HELQ: variants seen among roughly 807,000 people sequenced by gnomAD.
HELQ encodes helicase POLQ-like.
Under a neutral mutation model 111.6 loss-of-function variants are expected in HELQ, and 77 were observed. The observed-to-expected ratio is 0.69, with a 90% CI of 0.57 to 0.83. HELQ has a LOEUF of 0.83. Among genes scored for constraint, HELQ ranks in the 40% least tolerant of loss-of-function variants. The pLI is 0.00. For missense variants in HELQ, 1,200 were observed against 1,288.5 expected (o/e 0.93, Z 1.05); for synonymous variants, 438 against 454.7 (o/e 0.96, Z 0.47).
At chr4:83,444,361 A>G (rs1720939790) in intron 5 of HELQ, among the ~76,000 whole-genome samples, 1 of 152,092 alleles carries the variant, frequency 6.6e-6, no homozygotes, top group Non-Finnish European at 1.5e-5. Flanking sequence ...TCTTGCTATC[A>G]AGCTAACTTT....
intron 2 of HELQ, among the ~76,000 whole-genome samples, chr4:83,451,459 G>A (rs1003940801): frequency 4.6e-5 from 7 of 151,874 alleles, no homozygotes; most frequent in African/African-American, 1.7e-4. Context: ...TCAGGAGATC[G>A]AGACCATCCT....
In HELQ at chr4:83,455,605, G is replaced by A; in HGVS notation, c.89C>T (p.Thr30Ile). The A allele has an allele frequency of 6.2e-7, 1 of 1,614,090 alleles. No individual in the cohort carries two copies. Among genetic ancestry groups the A allele is most frequent in the South Asian group, 1.1e-5 (1 of 91,078 alleles). ...PSLGCIFGAP[T>I]AAELVPGDEG... The stretch of plus-strand genomic sequence containing the variant: ...ATCTCCGGGCACGAGCTCGGCCGCG[G>A]TGGGAGCGCCAAAAATACACCCCAA... Residue 30 changes from threonine (T) to isoleucine (I), a missense_variant, in exon 1 of 18, where the codon ACC (threonine) becomes ATC (isoleucine). Transcript: ENST00000295488.
chr4:83,428,959 A>G (rs1027210684), intron 12 of HELQ, among the ~76,000 whole-genome samples: 1 of 152,096 alleles, frequency 6.6e-6, no homozygotes, highest in African/African-American at 2.4e-5. Flanking sequence ...TAGAATATTA[A>G]GATTTGTATG....
In HELQ at chr4:83,407,430, A is replaced by G. The variant is rs763938194; in HGVS notation, c.*23T>C. On this transcript the variant is annotated 3_prime_UTR_variant, in exon 18 of 18. Coordinates refer to ENST00000295488, the MANE Select transcript of HELQ (RefSeq NM_133636.5). Reference sequence around the variant, plus strand: ...CACATGTACAATAAATAATTCATATATGAAAATTCTCATCAGATAGCTTCA... The same window carrying G: ...CACATGTACAATAAATAATTCATATGTGAAAATTCTCATCAGATAGCTTCA... 7.8e-6 allele frequency: 11 copies of G among 1,419,026 alleles called. No homozygotes were observed. The South Asian group carries it at 1.0e-4, about 13-fold the overall frequency. The allele number at this position is 1,419,026 out of a possible 1,614,324, so 87.9% of individuals were successfully genotyped here. A position where few individuals can be genotyped will look rare whatever the true frequency, so the allele number is the denominator to read the frequency against.
Position 83,455,589 on chromosome 4 carries a change from C to A in HELQ, c.105G>T (p.Val35=), listed in dbSNP as rs758930413. The A allele has an allele frequency of 3.1e-6, 5 of 1,614,050 alleles. No homozygotes were observed. Among genetic ancestry groups the A allele is most frequent in the East Asian group, 2.2e-5 (1 of 44,890 alleles). Residue 35 remains valine (V), a synonymous_variant, in exon 1 of 18, where the codon GTG becomes GTT. Coordinates refer to ENST00000295488, the MANE Select transcript of HELQ (RefSeq NM_133636.5). ...IFGAPTAAEL[V]PGDEGKEEEE... The stretch of plus-strand genomic sequence containing the variant: ...CCTCCTCTTTCCCCTCATCTCCGGG[C>A]ACGAGCTCGGCCGCGGTGGGAGCGC...
chr4:83,453,113 C>G, intron 2 of HELQ, 118 bp downstream of exon 2: 1 of 643,374 alleles, frequency 1.6e-6, no homozygotes, highest in Non-Finnish European at 2.7e-6. Flanking sequence ...GATCACTGAT[C>G]TTTTGTTTTC....
chr4:83,421,703 G>C lies in HELQ; in HGVS notation c.2809C>G (p.Leu937Val). The part of the protein sequence containing the change: ...VDKNVVNRLY[L>V]SFVLYTLLKE... ...AGCAAGGTATAAAGAACAAAAGACA[G>C]ATATAGCCTGTTGACAACGTTCTTG... The change falls in exon 15 of 18, where the codon CTG becomes GTG. Residue 937 changes from leucine to valine, a missense_variant. Leu to Val is a conservative substitution (Grantham distance 32). Transcript: ENST00000295488. 6.2e-7 allele frequency: 1 copy of C among 1,613,608 alleles called. No individual in the cohort carries two copies. Among genetic ancestry groups the C allele is most frequent in the Non-Finnish European group, 8.5e-7 (1 of 1,179,790 alleles).
chr4:83,420,413 G>A (rs74705968), intron 15 of HELQ, among the ~76,000 whole-genome samples: 3,027 of 152,078 alleles, frequency 0.02, 49 homozygotes, highest in Non-Finnish European at 0.03. Context: ...CTGGAGGATC[G>A]CTTCAGCCTG....
chr4:83,422,776 G>A (rs56786385), intron 14 of HELQ, among the ~76,000 whole-genome samples: 10,894 of 152,144 alleles, frequency 0.072, 1,323 homozygotes, highest in African/African-American at 0.25. Flanking sequence ...ATACAGGAAA[G>A]GAAGGAATTG....
intron 2 of HELQ, among the ~76,000 whole-genome samples, chr4:83,452,721 T>C (rs926101223): frequency 6.6e-6 from 1 of 152,162 alleles, no homozygotes; most frequent in Non-Finnish European, 1.5e-5. Flanking sequence ...GTGTAGTCAA[T>C]AGCATCAGGT....
intron 17 of HELQ, among the ~76,000 whole-genome samples, chr4:83,413,638 A>C (rs2109962871): frequency 6.6e-6 from 1 of 152,308 alleles, no homozygotes; most frequent in African/African-American, 2.4e-5. Context: ...TTTTCTAGTA[A>C]CCAACAGTAT....
At position 83,416,730 on chromosome 4, in the gene HELQ, C is replaced by T; in HGVS notation, c.3198+1G>A. ...GGTTAAAAAATGGTTTGTTTGCTTACCTTTGCTGATGAAACAATTTGCTTG... is the reference window on the plus strand; with the variant it reads ...GGTTAAAAAATGGTTTGTTTGCTTATCTTTGCTGATGAAACAATTTGCTTG... On this transcript the variant is annotated splice_donor_variant, in intron 17 of 17. Transcript: ENST00000295488. LOFTEE classifies it high-confidence loss of function. 2.5e-6 allele frequency: 4 copies of T among 1,612,192 alleles called. No individual in the cohort carries two copies. The highest frequency in any genetic ancestry group is 3.4e-5 in the Admixed American group (2 of 59,476).
At chr4:83,421,247 T>C (rs1012210432) in intron 15 of HELQ, among the ~76,000 whole-genome samples, 4 of 152,338 alleles carry the variant, frequency 2.6e-5, no homozygotes, top group Admixed American at 1.3e-4. Context: ...TCTACATCAA[T>C]AGGTTGTTTT....
chr4:83,447,273 G>T (rs1428611239), intron 3 of HELQ, among the ~76,000 whole-genome samples: 1 of 152,194 alleles, frequency 6.6e-6, no homozygotes, highest in Non-Finnish European at 1.5e-5. Context: ...CCTGAGTCCA[G>T]AGAATTGAGG....
At chr4:83,416,956 G>T in intron 16 of HELQ, 91 bp from the exon 17 acceptor site, 1 of 1,073,554 alleles carries the variant, frequency 9.3e-7, no homozygotes, top group South Asian at 1.6e-5. Context: ...AAAACTGCAT[G>T]TAAGAGACTG....
intron 10 of HELQ, 30 bp from the exon 11 acceptor site, chr4:83,431,798 G>C (rs1393495126): frequency 2.3e-6 from 2 of 886,574 alleles, no homozygotes; most frequent in South Asian, 2.7e-5. Flanking sequence ...ACCATGCCTT[G>C]TGTTATTATT....
rs555065748 is a variant in HELQ at position 83,428,159 on chromosome 4, T to C, written c.2519-439A>G. Among the ~76,000 whole-genome samples the C allele has an allele frequency of 1.9e-3, 283 of 152,286 alleles. 1 individual carries two copies. Among genetic ancestry groups the C allele is most frequent in the African/African-American group, 6.4e-3 (264 of 41,574 alleles). On this transcript the variant is annotated intron_variant, in intron 12 of 17. Transcript: ENST00000295488. ...TGTTCATGATATCTTATGAGAAATG[T>C]AATTTGGAAAAAAATATTTAAATGA...
At chr4:83,416,593 A>G in intron 17 of HELQ, 138 bp downstream of exon 17, 2 of 845,720 alleles carry the variant, frequency 2.4e-6, no homozygotes, top group Non-Finnish European at 3.5e-6. Flanking sequence ...ATTTTTACTC[A>G]CAAATAAGAG....
At chr4:83,441,770 CTTTTTTTT>C (rs34655032) in intron 6 of HELQ, among the ~76,000 whole-genome samples, 2 of 123,872 alleles carry the variant, frequency 1.6e-5, no homozygotes, top group African/African-American at 5.7e-5. Context: ...AAAACTTTGT[CTTTTTTTT>C]TTTTTTTTTT....
Sources: gnomAD v4.1 joint callset for allele counts (sites outside exome capture counted in the v4.1 genomes callset) on GRCh38, gnomAD v4.1.1 for gene constraint, MANE v1.5 for transcripts, NCBI Gene and HGNC (gene_info 2026-07-23, HGNC 2026-07-21) for gene names.